DVL3: variants seen among roughly 807,000 people sequenced by gnomAD.
The protein encoded by DVL3 is dishevelled segment polarity protein 3, also known as segment polarity protein dishevelled homolog DVL-3.
A neutral mutation model predicts 67.4 loss-of-function variants in DVL3; 27 were observed. The ratio of observed to expected loss-of-function variants is 0.40; its 90% CI spans 0.30 to 0.55. The LOEUF (loss-of-function observed/expected upper bound fraction) is 0.55, where lower values mean the gene tolerates loss of function less well. Ranked by LOEUF, DVL3 falls within the 20% of genes least tolerant of loss-of-function variation. DVL3 has a pLI of 0.46. For synonymous variants in DVL3, 369 were observed against 396.8 expected, an observed-to-expected ratio of 0.93 and a Z score of 0.83; for missense variants, 819 against 1,021.5, an observed-to-expected ratio of 0.80 and a Z score of 2.70.
Position 184,165,427 on chromosome 3 carries a change from G to A in DVL3, c.699G>A (p.Ser233=), listed in dbSNP as rs114642851. 4.2e-4 allele frequency: 676 copies of A among 1,613,984 alleles called. 2 individuals carry two copies. Among genetic ancestry groups the A allele is most frequent in the Non-Finnish European group, 5.2e-4 (609 of 1,179,976 alleles). Residue 233 remains serine, a synonymous_variant, in exon 7 of 15, where the codon TCG becomes TCA. Coordinates refer to ENST00000313143, the MANE Select transcript of DVL3 (RefSeq NM_004423.4). This position sits in a 1 kb window ranked among gnomAD's most constrained non-coding sequence, Gnocchi z 4.1. ...KQKVSRIERS[S]SFSSITDSTM... is the part of the protein sequence containing the mutation. ...AGGGCCTCTGTCTATTCCAGTCCTCGTCCTTCAGCAGCATCACGGACTCCA... is the reference window on the plus strand; with the variant it reads ...AGGGCCTCTGTCTATTCCAGTCCTCATCCTTCAGCAGCATCACGGACTCCA...
At position 184,165,539 on chromosome 3, in the gene DVL3, A is replaced by G; in HGVS notation, c.763+48A>G. ...CTCAAGCACCTGCTATATGCCAGACACTGGGCAGACTTGAGTTCAGAGAGC... is the reference window on the plus strand; with the variant it reads ...CTCAAGCACCTGCTATATGCCAGACGCTGGGCAGACTTGAGTTCAGAGAGC... On this transcript the variant is annotated intron_variant, in intron 7 of 14. Coordinates refer to ENST00000313143, the MANE Select transcript of DVL3 (RefSeq NM_004423.4). The surrounding 1 kb of genome is among the most constrained non-coding windows in gnomAD (Gnocchi z 4.1). 1 of 1,537,978 alleles carries G rather than the reference A, an allele frequency of 6.5e-7. No individual in the cohort carries two copies. The highest frequency in any genetic ancestry group is 9.0e-7 in the Non-Finnish European group (1 of 1,111,044).
intron 1 of DVL3, among the ~76,000 whole-genome samples, chr3:184,157,786 A>C (rs908964614): frequency 6.6e-6 from 1 of 152,204 alleles, no homozygotes. Flanking sequence ...AGGGTTGAAA[A>C]CAGTATTAAA....
At position 184,158,868 on chromosome 3, in the gene DVL3, C is replaced by T. The variant is rs1291241007; in HGVS notation, c.161+3072C>T. Among the ~76,000 whole-genome samples, 10 of 151,370 alleles carry T rather than the reference C, an allele frequency of 6.6e-5. No homozygotes were observed. In the East Asian group the frequency reaches 1.2e-3, roughly 18 times the overall value. ...TCGGCTCACTGCAACCTTCGCCTCC[C>T]GGGTTCAGGTGATTCTCCTGCCTCA... On this transcript the variant is annotated intron_variant, in intron 1 of 14. Transcript: ENST00000313143.
At chr3:184,162,177 C>G (rs1714403680) in intron 1 of DVL3, among the ~76,000 whole-genome samples, 2 of 125,248 alleles carry the variant, frequency 1.6e-5, no homozygotes, top group Non-Finnish European at 1.7e-5. Context: ...TAAATGACAG[C>G]AATTTTTTTT....
chr3:184,166,379 A>G lies in DVL3; in HGVS notation c.904-67A>G. On this transcript the variant is annotated intron_variant, in intron 8 of 14. Transcript: ENST00000313143. This position sits in a 1 kb window ranked among gnomAD's most constrained non-coding sequence, Gnocchi z 6.7. ...TGGTTGGGGGAAGACTCCCTGACCT[A>G]CCAAGTTGAGTTCCCTTTTCATCCT... The G allele has an allele frequency of 6.2e-7, 1 of 1,611,704 alleles. No individual in the cohort carries two copies. Among genetic ancestry groups the G allele is most frequent in the Non-Finnish European group, 8.5e-7 (1 of 1,178,026 alleles).
intron 1 of DVL3, among the ~76,000 whole-genome samples, chr3:184,158,692 A>C (rs945219163): frequency 4.6e-5 from 7 of 151,804 alleles, no homozygotes; most frequent in African/African-American, 1.7e-4. Context: ...TTGAGGTGCT[A>C]GTTGTGAGGC....
At position 184,170,556 on chromosome 3, in the gene DVL3, C is replaced by A. The variant is rs1332710164; in HGVS notation, c.1952C>A (p.Pro651Gln). The A allele has an allele frequency of 1.1e-5, 17 of 1,612,564 alleles. No individual in the cohort carries two copies. The highest frequency in any genetic ancestry group is 1.4e-5 in the Non-Finnish European group (17 of 1,179,196). Reference sequence around the variant, plus strand: ...AGCCTTCGCAGCCACCACACACACCCGAGCTACGGTCCTCCCGGAGTGCCC... The same window carrying A: ...AGCCTTCGCAGCCACCACACACACCAGAGCTACGGTCCTCCCGGAGTGCCC... ...ASSLRSHHTH[P>Q]SYGPPGVPPL... The change falls in exon 15 of 15, where the codon CCG (proline) becomes CAG (glutamine). Residue 651 changes from proline (P) to glutamine (Q), a missense_variant. Physicochemically the swap from Pro to Gln is moderately conservative, Grantham distance 76 (BLOSUM62 -1). Transcript: ENST00000313143. This position sits in a 1 kb window ranked among gnomAD's most constrained non-coding sequence, Gnocchi z 6.5.
chr3:184,166,312 G>T lies in DVL3; in HGVS notation c.903+47G>T, dbSNP rs1349956202. On this transcript the variant is annotated intron_variant, in intron 8 of 14. Coordinates refer to ENST00000313143, the MANE Select transcript of DVL3 (RefSeq NM_004423.4). The surrounding 1 kb of genome is among the most constrained non-coding windows in gnomAD (Gnocchi z 6.7). ...GGTGGTGTGGATAGAGGGCAGGGAG[G>T]TGTCCTACCATCTGTACCCTGCTCC... 5 of 1,606,626 alleles carry T rather than the reference G, an allele frequency of 3.1e-6. No individual in the cohort carries two copies. The highest frequency in any genetic ancestry group is 4.3e-6 in the Non-Finnish European group (5 of 1,175,596).
rs1714827939 is a variant in DVL3, at chr3:184,171,277, C to T, written c.*522C>T. On this transcript the variant is annotated 3_prime_UTR_variant, in exon 15 of 15. Coordinates refer to ENST00000313143, the MANE Select transcript of DVL3 (RefSeq NM_004423.4). ...CTTCATCTGCCCCTACTAACCATCC[C>T]CCTGCCTGCTGCCTCAGTCCTGCAA... The T allele has an allele frequency of 9.6e-7, 1 of 1,039,648 alleles. No individual in the cohort carries two copies. 64.4% of individuals were successfully genotyped at this position (1,039,648 alleles called of 1,614,324 possible).
In DVL3 at chr3:184,166,328, A is replaced by C. The variant is rs1714588092; in HGVS notation, c.903+63A>C. 1.9e-6 allele frequency: 3 copies of C among 1,606,578 alleles called. No homozygotes were observed. Among genetic ancestry groups the C allele is most frequent in the Non-Finnish European group, 2.6e-6 (3 of 1,175,414 alleles). On this transcript the variant is annotated intron_variant, in intron 8 of 14. Transcript: ENST00000313143. The surrounding 1 kb of genome is among the most constrained non-coding windows in gnomAD (Gnocchi z 6.7). Reference sequence around the variant, plus strand: ...GGCAGGGAGGTGTCCTACCATCTGTACCCTGCTCCTTCAGAGGCCCCTTCT... The same window carrying C: ...GGCAGGGAGGTGTCCTACCATCTGTCCCCTGCTCCTTCAGAGGCCCCTTCT...
At position 184,165,115 on chromosome 3, in the gene DVL3, T is replaced by A. The variant is rs1221040333; in HGVS notation, c.602T>A (p.Phe201Tyr). Residue 201 changes from phenylalanine (F) to tyrosine (Y), a missense_variant and splice_region_variant, in exon 6 of 15, where the codon TTC (phenylalanine) becomes TAC (tyrosine). Coordinates refer to ENST00000313143, the MANE Select transcript of DVL3 (RefSeq NM_004423.4). The surrounding 1 kb of genome is among the most constrained non-coding windows in gnomAD (Gnocchi z 4.1). Reference protein sequence around the residue: ...DSDEDDSTSRFSSSTEQSSAS... With the variant: ...DSDEDDSTSRYSSSTEQSSAS... ...GGGAACGACTGTGGGCCCCACAGGT[T>A]CAGCAGCTCCACAGAACAGAGCAGT... 1.2e-6 allele frequency: 2 copies of A among 1,613,862 alleles called. No homozygotes were observed. The highest frequency in any genetic ancestry group is 3.3e-5 in the Admixed American group (2 of 59,974).
Position 184,167,951 on chromosome 3 carries a change from A to C in DVL3, c.1384A>C (p.Arg462=). The C allele has an allele frequency of 2.5e-6, 4 of 1,614,254 alleles. No individual in the cohort carries two copies. Among genetic ancestry groups the C allele is most frequent in the Non-Finnish European group, 2.5e-6 (3 of 1,180,042 alleles). The change falls in exon 13 of 15, where the codon AGG becomes CGG. Residue 462 remains arginine, a synonymous_variant. Coordinates refer to ENST00000313143, the MANE Select transcript of DVL3 (RefSeq NM_004423.4). The surrounding 1 kb of genome is among the most constrained non-coding windows in gnomAD (Gnocchi z 4.6). The part of the protein sequence containing the change: ...YHNVEGFTDR[R]EARKYASNLL... Reference sequence around the variant, plus strand: ...CAATGTGGAAGGCTTCACGGACCGGAGGGAGGCCCGCAAGTATGCCAGCAA... The same window carrying C: ...CAATGTGGAAGGCTTCACGGACCGGCGGGAGGCCCGCAAGTATGCCAGCAA...
chr3:184,171,051 C>A lies in DVL3; in HGVS notation c.*296C>A. 7.6e-7 allele frequency: 1 copy of A among 1,317,780 alleles called. No homozygotes were observed. Among genetic ancestry groups the A allele is most frequent in the Non-Finnish European group, 9.8e-7 (1 of 1,023,772 alleles). The allele number at this position is 1,317,780 out of a possible 1,614,324, so 81.6% of individuals were successfully genotyped here. A position where few individuals can be genotyped will look rare whatever the true frequency, so the allele number is the denominator to read the frequency against. The stretch of plus-strand genomic sequence containing the variant: ...CCAGACTTGTTGGTGCTACCCCTTA[C>A]TCCCCTCTGCAACCCCCATTTTGGG... On this transcript the variant is annotated 3_prime_UTR_variant, in exon 15 of 15. Coordinates refer to ENST00000313143, the MANE Select transcript of DVL3 (RefSeq NM_004423.4).
In DVL3 at chr3:184,165,263, C is replaced by A; in HGVS notation, c.693+57C>A. On this transcript the variant is annotated intron_variant, in intron 6 of 14. Coordinates refer to ENST00000313143, the MANE Select transcript of DVL3 (RefSeq NM_004423.4). The surrounding 1 kb of genome is among the most constrained non-coding windows in gnomAD (Gnocchi z 4.1). ...AGGCAGATTGTGAGCCCTTCCTACG[C>A]AGGGCCAAGGCTTGTTCTTCCTTAG... 2 of 1,549,150 alleles carry A rather than the reference C, an allele frequency of 1.3e-6. No homozygotes were observed. The highest frequency in any genetic ancestry group is 1.8e-6 in the Non-Finnish European group (2 of 1,139,180).
chr3:184,161,569 C>T (rs904834169), intron 1 of DVL3, among the ~76,000 whole-genome samples: 4 of 152,204 alleles, frequency 2.6e-5, no homozygotes, highest in Non-Finnish European at 4.4e-5. Context: ...GCATATTTGA[C>T]AGTCTGAGGG....
At chr3:184,162,911 G>A (rs1258561135) in intron 1 of DVL3, among the ~76,000 whole-genome samples, 1 of 152,214 alleles carries the variant, frequency 6.6e-6, no homozygotes, top group East Asian at 1.9e-4. Context: ...ATGTGGTGAG[G>A]CAAGAAGTCA....
In DVL3 at chr3:184,165,195, C is replaced by T. The variant is rs1056924700; in HGVS notation, c.682C>T (p.Arg228Trp). 4.4e-6 allele frequency: 7 copies of T among 1,596,168 alleles called. No homozygotes were observed. The highest frequency in any genetic ancestry group is 1.1e-5 in the South Asian group (1 of 88,036). ...KRRRRKQKVS[R>W]IERSSSFSSI... ...GCGGCGGCGGAAGCAGAAGGTTTCT[C>T]GGATTGAGCGGGTATGGGGTCTGGG... Residue 228 changes from arginine (R) to tryptophan (W), a missense_variant, in exon 6 of 15, where the codon CGG becomes TGG. Arg to Trp is a moderately radical substitution (Grantham distance 101). Transcript: ENST00000313143. The surrounding 1 kb of genome is among the most constrained non-coding windows in gnomAD (Gnocchi z 4.1).
At chr3:184,156,640 A>G in intron 1 of DVL3, 1 of 359,846 alleles carries the variant, frequency 2.8e-6, no homozygotes, top group South Asian at 2.1e-5. Flanking sequence ...GGAAGCAGTC[A>G]CTTTCCCTTT....
At position 184,163,499 on chromosome 3, in the gene DVL3, C is replaced by T. The variant is rs181949659; in HGVS notation, c.162-158C>T. 7.9e-5 allele frequency among the ~76,000 whole-genome samples: 12 copies of T among 152,280 alleles called. No homozygotes were observed. Among genetic ancestry groups the T allele is most frequent in the Non-Finnish European group, 1.3e-4 (9 of 68,024 alleles). On this transcript the variant is annotated intron_variant, in intron 1 of 14. Transcript: ENST00000313143. This position sits in a 1 kb window ranked among gnomAD's most constrained non-coding sequence, Gnocchi z 4.5. ...GTGTCTTCCTGGTGGTGCCAAAGAG[C>T]TGTCTCTGGGTCTCCCCAACCTCTG...
Sources: gnomAD v4.1 joint callset for allele counts (sites outside exome capture counted in the v4.1 genomes callset) on GRCh38, gnomAD v4.1.1 for gene constraint, Gnocchi (gnomAD v3.1) non-coding constraint, MANE v1.5 for transcripts, NCBI Gene and HGNC (gene_info 2026-07-23, HGNC 2026-07-21) for gene names.